Variants in GPC5 observed in about 807,000 individuals in gnomAD.
GPC5 encodes glypican-5.
GPC5 carries 47 observed loss-of-function variants against 53.9 expected under a neutral mutation model. The ratio of observed to expected loss-of-function variants is 0.87; its 90% CI spans 0.69 to 1.11. The LOEUF is 1.11. Among genes scored for constraint, GPC5 ranks in the 50% most tolerant of loss-of-function variants. The pLI is 0.00. For synonymous variants in GPC5, 286 were observed against 263.3 expected (o/e 1.09, Z -0.84); for missense variants, 748 against 713.1 (o/e 1.05, Z -0.56).
chr13:92,659,768 G>A (rs1886274192), intron 7 of GPC5, among the ~76,000 whole-genome samples: 1 of 152,158 alleles, frequency 6.6e-6, no homozygotes, highest in Non-Finnish European at 1.5e-5. Context: ...TATGTAAGAA[G>A]GTAGCTTTTC....
At chr13:91,842,691 C>G (rs1225864471) in intron 5 of GPC5, among the ~76,000 whole-genome samples, 4 of 108,528 alleles carry the variant, frequency 3.7e-5, no homozygotes, top group Non-Finnish European at 6.8e-5. Flanking sequence ...GGAGACACAG[C>G]GAGACTCCGT....
intron 5 of GPC5, among the ~76,000 whole-genome samples, chr13:91,891,155 A>G (rs2039381288): frequency 6.6e-6 from 1 of 152,202 alleles, no homozygotes; most frequent in Non-Finnish European, 1.5e-5. Flanking sequence ...GATAACAAGA[A>G]CTTGAATATA....
Position 91,626,742 on chromosome 13 carries a change from CAT to C in GPC5, c.326-66444_326-66443del, listed in dbSNP as rs1273709729. ...CGTGCAGGTTTGTTACATATGTAAA[CAT>C]GTGACACGTTGGTGTGCTGCACCCA... On this transcript the variant is annotated intron_variant, in intron 2 of 7. Transcript: ENST00000377067. Among the ~76,000 whole-genome samples, 3 of 151,988 alleles carry C rather than the reference CAT, an allele frequency of 2.0e-5. No individual in the cohort carries two copies. In the East Asian group the frequency reaches 5.8e-4, roughly 29 times the overall value.
chr13:91,715,504 A>C (rs151236415), intron 3 of GPC5, among the ~76,000 whole-genome samples: 1 of 152,216 alleles, frequency 6.6e-6, no homozygotes, highest in East Asian at 1.9e-4. Flanking sequence ...AAAGAACAAA[A>C]TGTAAATACA....
chr13:91,562,921 A>T (rs1316059082), intron 2 of GPC5, among the ~76,000 whole-genome samples: 1 of 152,076 alleles, frequency 6.6e-6, no homozygotes, highest in South Asian at 2.1e-4. Flanking sequence ...CATATTAAAA[A>T]TTTTTGTTAG....
chr13:92,847,388 T>C (rs2138840250), intron 7 of GPC5, among the ~76,000 whole-genome samples: 1 of 152,228 alleles, frequency 6.6e-6, no homozygotes, highest in Non-Finnish European at 1.5e-5. Context: ...GAAATTGTAA[T>C]CCTCAGTATT....
At chr13:92,134,854 C>T (rs2138967035) in intron 6 of GPC5, among the ~76,000 whole-genome samples, 1 of 152,102 alleles carries the variant, frequency 6.6e-6, no homozygotes, top group Middle Eastern at 3.4e-3. Context: ...GTGATTTGTG[C>T]CATTCGTGTG....
intron 6 of GPC5, among the ~76,000 whole-genome samples, chr13:92,076,369 C>T (rs1203812718): frequency 1.3e-5 from 2 of 152,108 alleles, no homozygotes; most frequent in African/African-American, 2.4e-5. Flanking sequence ...CCGCGCCTGG[C>T]GAAAGTATAA....
intron 7 of GPC5, among the ~76,000 whole-genome samples, chr13:92,714,302 TA>T (rs1888253324): frequency 6.6e-6 from 1 of 152,206 alleles, no homozygotes; most frequent in South Asian, 2.1e-4. Context: ...TTTTATGGCA[TA>T]AATCAGAGCA....
chr13:91,933,056 T>C (rs1431738014), intron 6 of GPC5, among the ~76,000 whole-genome samples: 1 of 151,988 alleles, frequency 6.6e-6, no homozygotes, highest in African/African-American at 2.4e-5. Context: ...CCCTTATCTG[T>C]CAAAGGGATC....
At chr13:91,490,828 C>T (rs1479497825) in intron 2 of GPC5, among the ~76,000 whole-genome samples, 2 of 152,160 alleles carry the variant, frequency 1.3e-5, no homozygotes, top group Non-Finnish European at 2.9e-5. Flanking sequence ...TTATTTTGAA[C>T]ATTAGTAAAT....
chr13:92,159,544 T>G (rs2041970534), intron 7 of GPC5, among the ~76,000 whole-genome samples: 1 of 151,318 alleles, frequency 6.6e-6, no homozygotes, highest in South Asian at 2.1e-4. Flanking sequence ...TCTCTTCCAT[T>G]TCTTAAAAAC....
At chr13:92,629,639 G>C (rs1430647287) in intron 7 of GPC5, among the ~76,000 whole-genome samples, 3 of 152,168 alleles carry the variant, frequency 2.0e-5, no homozygotes, top group Admixed American at 1.3e-4. Flanking sequence ...AAAGTACAGA[G>C]TATCTTAAGT....
At chr13:91,492,831 G>A (rs570078617) in intron 2 of GPC5, among the ~76,000 whole-genome samples, 12 of 152,182 alleles carry the variant, frequency 7.9e-5, no homozygotes, top group Non-Finnish European at 1.3e-4. Context: ...TCTTTGTTCT[G>A]TCAGCCACCC....
At chr13:92,347,924 T>TATATATTATATATATAATATATATATTA (rs1491168569) in intron 7 of GPC5, among the ~76,000 whole-genome samples, 2 of 3,704 alleles carry the variant, frequency 5.4e-4, no homozygotes, top group Admixed American at 4.2e-3. Flanking sequence ...TATATATATA[T>TATATATTATATATATAATATATATATTA]TATATATACA....
At chr13:92,135,337 C>A (rs1201293591) in intron 6 of GPC5, among the ~76,000 whole-genome samples, 1 of 152,092 alleles carries the variant, frequency 6.6e-6, no homozygotes, top group Non-Finnish European at 1.5e-5. Context: ...TTTGGTCCCA[C>A]GATTTTTCTG....
chr13:92,290,652 T>C (rs1246575802), intron 7 of GPC5, among the ~76,000 whole-genome samples: 1 of 152,192 alleles, frequency 6.6e-6, no homozygotes, highest in Non-Finnish European at 1.5e-5. Context: ...TAGCTGTGCA[T>C]GCCATTAACT....
Position 91,817,237 on chromosome 13 carries a change from T to C in GPC5, c.1280+60817T>C, listed in dbSNP as rs1021681047. Among the ~76,000 whole-genome samples the C allele has an allele frequency of 1.5e-4, 23 of 152,288 alleles. No individual in the cohort carries two copies. In the Middle Eastern group the frequency reaches 0.01, roughly 68 times the overall value. Reference sequence around the variant, plus strand: ...AATTCGAATTCTTTTGGATTATAAATGCATGGATTGCCCAGAACATTTTCA... The same window carrying C: ...AATTCGAATTCTTTTGGATTATAAACGCATGGATTGCCCAGAACATTTTCA... On this transcript the variant is annotated intron_variant, in intron 5 of 7. Coordinates refer to ENST00000377067, the MANE Select transcript of GPC5 (RefSeq NM_004466.6).
intron 7 of GPC5, among the ~76,000 whole-genome samples, chr13:92,654,724 A>G (rs993605019): frequency 6.6e-6 from 1 of 150,396 alleles, no homozygotes; most frequent in Admixed American, 6.7e-5. Context: ...TTTTATTTTT[A>G]TACTCAACTC....
Sources: allele counts gnomAD v4.1 joint callset (sites outside exome capture counted in the v4.1 genomes callset), GRCh38; gene constraint gnomAD v4.1.1; transcripts MANE v1.5; gene names NCBI Gene and HGNC (gene_info 2026-07-23, HGNC 2026-07-21).